Variants in NOP14 observed in about 807,000 individuals in gnomAD.
The protein encoded by NOP14 is nucleolar protein 14.
A neutral mutation model predicts 101.6 loss-of-function variants in NOP14; 57 were observed. The observed-to-expected ratio is 0.56, with a 90% CI of 0.45 to 0.70. The LOEUF is 0.70. NOP14 is among the 30% of genes least tolerant of loss of function. The probability of loss-of-function intolerance (pLI) is 0.00; values close to 1 mark genes in which losing one functional copy is unlikely to be tolerated. For synonymous variants in NOP14, 428 were observed against 424.0 expected (o/e 1.01, Z -0.12); for missense variants, 1,134 against 1,075.5 (o/e 1.05, Z -0.76).
At chr4:2,949,717 A>C (rs965426378) in intron 8 of NOP14, among the ~76,000 whole-genome samples, 2 of 152,170 alleles carry the variant, frequency 1.3e-5, no homozygotes, top group African/African-American at 4.8e-5. Context: ...CATCTGGCCC[A>C]TCGGGGGCCG....
chr4:2,942,317 C>T lies in NOP14; in HGVS notation c.1926G>A (p.Gly642=), dbSNP rs145795270. ...ACACCACGAGCAGTTCCGAGTTCTTCCCAAGCGCTCTGAAAGGGTGCACCA... is the reference window on the plus strand; with the variant it reads ...ACACCACGAGCAGTTCCGAGTTCTTTCCAAGCGCTCTGAAAGGGTGCACCA... ...STLVHPFRAL[G]KNSELLVVSA... is the part of the protein sequence containing the mutation. The change falls in exon 14 of 18, where the codon GGG becomes GGA. Residue 642 remains glycine (G), a synonymous_variant. Transcript: ENST00000416614. 6.2e-7 allele frequency: 1 copy of T among 1,614,140 alleles called. No individual in the cohort carries two copies. Among genetic ancestry groups the T allele is most frequent in the Non-Finnish European group, 8.5e-7 (1 of 1,180,012 alleles).
chr4:2,943,462 C>T (rs1714375789), intron 13 of NOP14, among the ~76,000 whole-genome samples: 1 of 152,218 alleles, frequency 6.6e-6, no homozygotes, highest in Admixed American at 6.5e-5. Context: ...GCTGAGGAAG[C>T]ATCCAGGAGC....
intron 15 of NOP14, chr4:2,941,272 T>C: frequency 2.7e-6 from 1 of 368,284 alleles, no homozygotes; most frequent in Non-Finnish European, 5.1e-6. Context: ...GGCTCAGAGC[T>C]GACTGTCCAG....
chr4:2,963,395 G>A lies in NOP14; in HGVS notation c.-76C>T, dbSNP rs1170723895. 6 of 1,400,164 alleles carry A rather than the reference G, an allele frequency of 4.3e-6. No individual in the cohort carries two copies. Among genetic ancestry groups the A allele is most frequent in the Non-Finnish European group, 5.6e-6 (6 of 1,071,626 alleles). The allele number at this position is 1,400,164 out of a possible 1,614,324, so 86.7% of individuals were successfully genotyped here. ...GCGCGCTACCCTAAGACACGTGCCG[G>A]GCCGCGGAACCGCTTCCTCGTCTCG... On this transcript the variant is annotated 5_prime_UTR_variant, in exon 1 of 18. Transcript: ENST00000416614.
chr4:2,950,908 A>C (rs1350626950), intron 7 of NOP14: 4 of 497,504 alleles, frequency 8.0e-6, no homozygotes, highest in Non-Finnish European at 1.1e-5. Flanking sequence ...GAGCGTGAGC[A>C]AGTGAGTGCA....
rs199774193 is a variant in NOP14 at position 2,948,251 on chromosome 4, C to T, written c.1413+27G>A. 1,051 of 1,571,278 alleles carry T rather than the reference C, an allele frequency of 6.7e-4. 6 individuals carry two copies. Among genetic ancestry groups the T allele is most frequent in the Middle Eastern group, 5.3e-3 (31 of 5,892 alleles). On this transcript the variant is annotated intron_variant, in intron 9 of 17. Transcript: ENST00000416614. Reference sequence around the variant, plus strand: ...TACGGGGCTATGCTGACACTCCCAGCGCTCCACACACACTCAATCCACGTA... The same window carrying T: ...TACGGGGCTATGCTGACACTCCCAGTGCTCCACACACACTCAATCCACGTA...
At chr4:2,949,842 A>C in intron 8 of NOP14, 92 bp downstream of exon 8, 1 of 1,476,932 alleles carries the variant, frequency 6.8e-7, no homozygotes, top group Non-Finnish European at 9.3e-7. Context: ...CATTCCACAA[A>C]TGCAACCCCT....
Position 2,944,213 on chromosome 4 carries a change from GAC to G in NOP14, c.1749_1750del (p.Ser584ProfsTer27). ...CAGGCCCTTCACCACGTCCTGGAGG[GAC>G]AGGATGGGGCACTGGAAAGGAACAT... On this transcript the variant is annotated frameshift_variant, in exon 13 of 18. Transcript: ENST00000416614. LOFTEE classifies it high-confidence loss of function. 6.2e-7 allele frequency: 1 copy of G among 1,613,394 alleles called. No individual in the cohort carries two copies. The highest frequency in any genetic ancestry group is 8.5e-7 in the Non-Finnish European group (1 of 1,179,808).
At position 2,942,310 on chromosome 4, in the gene NOP14, A is replaced by C. The variant is rs370813940; in HGVS notation, c.1933T>G (p.Ser645Ala). ...VHPFRALGKN[S>A]ELLVVSARED... ...CTAGCAGACACCACGAGCAGTTCCG[A>C]GTTCTTCCCAAGCGCTCTGAAAGGG... is the stretch of plus-strand genomic sequence containing the variant. The change falls in exon 14 of 18, where the codon TCG becomes GCG. Residue 645 changes from serine to alanine, a missense_variant. Ser to Ala is a moderately conservative substitution (Grantham distance 99). Coordinates refer to ENST00000416614, the MANE Select transcript of NOP14 (RefSeq NM_001291978.2). 6 of 1,614,150 alleles carry C rather than the reference A, an allele frequency of 3.7e-6. No individual in the cohort carries two copies. The highest frequency in any genetic ancestry group is 3.3e-5 in the South Asian group (3 of 91,088).
Position 2,954,418 on chromosome 4 carries a change from A to C in NOP14, c.612+6T>G, listed in dbSNP as rs1715210661. On this transcript the variant is annotated splice_donor_region_variant and intron_variant, in intron 4 of 17. Transcript: ENST00000416614. ...AGAAGATGATCAAGAACACTCACTA[A>C]CCCACCTTCTCTTGTTTTGACTTGG... is the stretch of plus-strand genomic sequence containing the variant. 1 of 1,613,770 alleles carries C rather than the reference A, an allele frequency of 6.2e-7. No individual in the cohort carries two copies. Among genetic ancestry groups the C allele is most frequent in the Non-Finnish European group, 8.5e-7 (1 of 1,179,880 alleles).
chr4:2,943,431 C>G (rs1267217629), intron 13 of NOP14, among the ~76,000 whole-genome samples: 1 of 152,230 alleles, frequency 6.6e-6, no homozygotes. Flanking sequence ...GCTCCTCACC[C>G]CCCAGAGGGA....
At chr4:2,942,073 A>G in intron 14 of NOP14, 119 bp downstream of exon 14, 2 of 1,052,618 alleles carry the variant, frequency 1.9e-6, no homozygotes, top group Non-Finnish European at 2.8e-6. Context: ...GGCCTCCATC[A>G]AACCAAACGG....
chr4:2,939,402 G>T, intron 16 of NOP14, 59 bp from the exon 17 acceptor site: 1 of 1,610,020 alleles, frequency 6.2e-7, no homozygotes, highest in Non-Finnish European at 8.5e-7. Context: ...CTCAGCCAGA[G>T]CCTGCTTGGG....
At chr4:2,950,358 G>A in intron 7 of NOP14, 145 bp from the exon 8 acceptor site, 1 of 823,280 alleles carries the variant, frequency 1.2e-6, no homozygotes, top group Non-Finnish European at 1.9e-6. Flanking sequence ...TTTGCCCACT[G>A]GCACTAGGCC....
At position 2,942,205 on chromosome 4, in the gene NOP14, C is replaced by A; in HGVS notation, c.2038G>T (p.Ala680Ser). The A allele has an allele frequency of 6.2e-7, 1 of 1,613,988 alleles. No individual in the cohort carries two copies. Residue 680 changes from alanine to serine, a missense_variant, in exon 14 of 18, where the codon GCC (alanine) becomes TCC (serine). Physicochemically the swap from Ala to Ser is moderately conservative, Grantham distance 99. Coordinates refer to ENST00000416614, the MANE Select transcript of NOP14 (RefSeq NM_001291978.2). ...SRLRAPTSTE[A>S]NHIRLSCLAV... ...CCCCTCACATACCGGATGTGATTGG[C>A]CTCTGTCGAAGTTGGGGCCCTCAGT...
chr4:2,939,527 A>G lies in NOP14; in HGVS notation c.2318T>C (p.Val773Ala), dbSNP rs777329158. ...LKLFTPRLVK[V>A]LEFGRKQGSS... ...CCAGGGAGATGCTGCCAGCACCCAC[A>G]CTTTGACCAGCCGGGGTGTGAAAAG... The change falls in exon 16 of 18, where the codon GTC becomes GCC. Residue 773 changes from valine (V) to alanine (A), a missense_variant and splice_region_variant. By Grantham distance (64) the Val-to-Ala change is moderately conservative. Coordinates refer to ENST00000416614, the MANE Select transcript of NOP14 (RefSeq NM_001291978.2). 4 of 1,613,190 alleles carry G rather than the reference A, an allele frequency of 2.5e-6. No individual in the cohort carries two copies. Among genetic ancestry groups the G allele is most frequent in the Admixed American group, 1.7e-5 (1 of 59,990 alleles).
chr4:2,957,979 G>C (rs565427415), intron 1 of NOP14, among the ~76,000 whole-genome samples: 10 of 152,298 alleles, frequency 6.6e-5, no homozygotes, highest in African/African-American at 2.2e-4. Flanking sequence ...GTCTACCGGT[G>C]CCAAAAGGAA....
Position 2,942,201 on chromosome 4 carries a change from T to G in NOP14, c.2042A>C (p.Asn681Thr). The G allele has an allele frequency of 6.2e-7, 1 of 1,614,006 alleles. No homozygotes were observed. The highest frequency in any genetic ancestry group is 8.5e-7 in the Non-Finnish European group (1 of 1,179,944). The change falls in exon 14 of 18, where the codon AAT (asparagine) becomes ACT (threonine). Residue 681 changes from asparagine (N) to threonine (T), a missense_variant. By Grantham distance (65) the Asn-to-Thr change is moderately conservative. Coordinates refer to ENST00000416614, the MANE Select transcript of NOP14 (RefSeq NM_001291978.2). Reference protein sequence around the residue: ...RLRAPTSTEANHIRLSCLAVG... With the variant: ...RLRAPTSTEATHIRLSCLAVG... The stretch of plus-strand genomic sequence containing the variant: ...GGGTCCCCTCACATACCGGATGTGA[T>G]TGGCCTCTGTCGAAGTTGGGGCCCT...
rs767269253 is a variant in NOP14 at position 2,939,628 on chromosome 4, T to C, written c.2217A>G (p.Thr739=). ...PQELQELCQS[T]LTEMESQKQL... is the part of the protein sequence containing the mutation. ...GCTTCTGGCTTTCCATTTCGGTCAG[T>C]GTGCTCTGACACAGCTCCTGAAAAA... Residue 739 remains threonine, a synonymous_variant, in exon 16 of 18, where the codon ACA becomes ACG. Coordinates refer to ENST00000416614, the MANE Select transcript of NOP14 (RefSeq NM_001291978.2). The C allele has an allele frequency of 3.7e-6, 6 of 1,613,668 alleles. No homozygotes were observed. The highest frequency in any genetic ancestry group is 1.1e-5 in the South Asian group (1 of 91,086).
Sources: allele counts gnomAD v4.1 joint callset (sites outside exome capture counted in the v4.1 genomes callset), GRCh38; gene constraint gnomAD v4.1.1; transcripts MANE v1.5; gene names NCBI Gene and HGNC (gene_info 2026-07-23, HGNC 2026-07-21).